SLC39A11: variants seen among roughly 807,000 people sequenced by gnomAD.
SLC39A11 encodes the protein zinc transporter ZIP11.
Under a neutral mutation model 36.1 loss-of-function variants are expected in SLC39A11, and 33 were observed. The observed-to-expected ratio is 0.91, with a 90% confidence interval of 0.69 to 1.22. The LOEUF is 1.22. SLC39A11 is among the 50% of genes most tolerant of loss of function. SLC39A11 has a pLI of 0.00. For synonymous variants in SLC39A11, 166 were observed against 170.3 expected (o/e 0.97, Z 0.20); for missense variants, 432 against 430.3 (o/e 1.00, Z -0.03).
intron 5 of SLC39A11, among the ~76,000 whole-genome samples, chr17:72,890,721 G>A (rs2081695768): frequency 6.6e-6 from 1 of 152,140 alleles, no homozygotes; most frequent in Non-Finnish European, 1.5e-5. Context: ...ATCAATTTGG[G>A]AGCCTGAGCC....
At chr17:72,954,987 G>A (rs894350829) in intron 4 of SLC39A11, among the ~76,000 whole-genome samples, 7 of 152,196 alleles carry the variant, frequency 4.6e-5, no homozygotes, top group Non-Finnish European at 8.8e-5. Context: ...GGAGGATGAC[G>A]GTTTAAGTAC....
chr17:72,647,694 C>A (rs371522863), intron 9 of SLC39A11, 32 bp from the exon 10 acceptor site: 36 of 1,589,338 alleles, frequency 2.3e-5, no homozygotes, highest in Middle Eastern at 1.7e-4. Flanking sequence ...AAAAGTAAGA[C>A]CTTAATGATC....
At chr17:72,734,843 T>C (rs932521845) in intron 7 of SLC39A11, among the ~76,000 whole-genome samples, 2 of 152,076 alleles carry the variant, frequency 1.3e-5, no homozygotes, top group African/African-American at 2.4e-5. Flanking sequence ...GGCCTTTGAA[T>C]GTTTATAAGG....
chr17:73,051,547 G>C (rs2059499067), intron 3 of SLC39A11, among the ~76,000 whole-genome samples: 1 of 151,108 alleles, frequency 6.6e-6, no homozygotes, highest in Non-Finnish European at 1.5e-5. Flanking sequence ...GGATGGAATA[G>C]GAAGTGAGGG....
intron 6 of SLC39A11, among the ~76,000 whole-genome samples, chr17:72,830,307 AATCCCT>A (rs2078225198): frequency 6.6e-6 from 1 of 150,738 alleles, no homozygotes; most frequent in South Asian, 2.1e-4. Context: ...TTCAACAAAG[AATCCCT>A]TGAAGATGAC....
intron 6 of SLC39A11, among the ~76,000 whole-genome samples, chr17:72,743,569 A>T (rs2074806559): frequency 6.6e-6 from 1 of 152,196 alleles, no homozygotes; most frequent in Admixed American, 6.5e-5. Flanking sequence ...AAAGCGAAAC[A>T]GGAAGAAGAG....
intron 5 of SLC39A11, among the ~76,000 whole-genome samples, chr17:72,861,346 T>A (rs1010895990): frequency 6.6e-6 from 1 of 152,110 alleles, no homozygotes; most frequent in Non-Finnish European, 1.5e-5. Flanking sequence ...AGGAGGGGAC[T>A]GCTGCCCTTC....
At chr17:72,688,090 G>C (rs1017656585) in intron 7 of SLC39A11, among the ~76,000 whole-genome samples, 5 of 152,164 alleles carry the variant, frequency 3.3e-5, no homozygotes, top group Non-Finnish European at 7.3e-5. Flanking sequence ...CAAATGCTCT[G>C]GGCTGATTAA....
At chr17:72,889,369 G>T (rs983037921) in intron 5 of SLC39A11, among the ~76,000 whole-genome samples, 1 of 151,950 alleles carries the variant, frequency 6.6e-6, no homozygotes, top group Non-Finnish European at 1.5e-5. Flanking sequence ...ACAAAAATCA[G>T]CTGGGCATGG....
intron 7 of SLC39A11, among the ~76,000 whole-genome samples, chr17:72,722,063 C>T (rs1299172221): frequency 7.4e-6 from 1 of 134,434 alleles, no homozygotes; most frequent in Non-Finnish European, 1.6e-5. Context: ...GCCCCCATTT[C>T]CATGAAGTAG....
intron 6 of SLC39A11, among the ~76,000 whole-genome samples, chr17:72,788,649 G>A (rs976096704): frequency 1.2e-4 from 18 of 152,196 alleles, no homozygotes; most frequent in African/African-American, 3.6e-4. Context: ...AGGGCCCCTC[G>A]TTACAATGGC....
intron 5 of SLC39A11, among the ~76,000 whole-genome samples, chr17:72,921,058 T>C (rs963544245): frequency 6.6e-6 from 1 of 152,166 alleles, no homozygotes; most frequent in Non-Finnish European, 1.5e-5. Context: ...CATTTGTTTG[T>C]TCGGTTGGTT....
chr17:72,709,282 T>A (rs925791059), intron 7 of SLC39A11, among the ~76,000 whole-genome samples: 2 of 152,172 alleles, frequency 1.3e-5, no homozygotes, highest in Non-Finnish European at 2.9e-5. Context: ...AGGAAATAGC[T>A]GAGTGCTTTT....
intron 1 of SLC39A11, among the ~76,000 whole-genome samples, chr17:73,090,966 C>T (rs149854500): frequency 1.3e-5 from 2 of 152,160 alleles, no homozygotes; most frequent in South Asian, 2.1e-4. Flanking sequence ...TTTAAATCCT[C>T]GCTACAAGGG....
intron 4 of SLC39A11, among the ~76,000 whole-genome samples, chr17:72,955,298 C>CTTTTTTTTTTTTTTTTTTTTTTTTTT (rs71359751): frequency 2.7e-4 from 18 of 65,570 alleles, no homozygotes; most frequent in Non-Finnish European, 4.4e-4. Context: ...TTTCAGTTCT[C>CTTTTTTTTTTTTTTTTTTTTTTTTTT]TTTTTTTTTT....
chr17:72,707,782 GAAT>G (rs2072952148), intron 7 of SLC39A11, among the ~76,000 whole-genome samples: 1 of 152,148 alleles, frequency 6.6e-6, no homozygotes, highest in Admixed American at 6.5e-5. Context: ...GTACGGCATG[GAAT>G]AATAATTGCC....
At chr17:72,764,523 C>T (rs1453026057) in intron 6 of SLC39A11, among the ~76,000 whole-genome samples, 2 of 152,096 alleles carry the variant, frequency 1.3e-5, no homozygotes, top group Non-Finnish European at 2.9e-5. Context: ...TTTCCTCCTA[C>T]AGTTCCAGGC....
At chr17:73,049,872 C>T (rs1371292707) in intron 3 of SLC39A11, among the ~76,000 whole-genome samples, 1 of 152,182 alleles carries the variant, frequency 6.6e-6, no homozygotes, top group South Asian at 2.1e-4. Flanking sequence ...CCTATAATCC[C>T]AGCACTTCAG....
intron 7 of SLC39A11, among the ~76,000 whole-genome samples, chr17:72,701,068 G>A (rs985352046): frequency 5.3e-5 from 8 of 152,244 alleles, no homozygotes; most frequent in African/African-American, 1.4e-4. Flanking sequence ...ATGGGACGAC[G>A]TGCTTGGGGG....
Sources: allele counts gnomAD v4.1 joint callset (sites outside exome capture counted in the v4.1 genomes callset), GRCh38; gene constraint gnomAD v4.1.1; transcripts MANE v1.5; gene names NCBI Gene and HGNC (gene_info 2026-07-23, HGNC 2026-07-21).